Variants in RGS6 observed in about 807,000 individuals in gnomAD.
The protein encoded by RGS6 is regulator of G protein signaling 6, also known as regulator of G-protein signaling 6.
Under a neutral mutation model 78.5 loss-of-function variants are expected in RGS6, and 30 were observed. The ratio of observed to expected loss-of-function variants is 0.38; its 90% CI spans 0.29 to 0.52. The LOEUF is 0.52. RGS6 is among the 20% of genes least tolerant of loss of function. RGS6 has a pLI of 0.85. For missense variants in RGS6, 495 were observed against 609.7 expected (o/e 0.81, Z 1.98); for synonymous variants, 206 against 206.0 (o/e 1.00, Z 0.00).
chr14:72,029,983 T>C (rs1045349912), intron 2 of RGS6, among the ~76,000 whole-genome samples: 2 of 152,246 alleles, frequency 1.3e-5, no homozygotes, highest in African/African-American at 4.8e-5. Flanking sequence ...CTTTTCTCTT[T>C]CTTTGATTCT....
At chr14:72,197,628 G>T (rs533621728) in intron 2 of RGS6, among the ~76,000 whole-genome samples, 6 of 152,242 alleles carry the variant, frequency 3.9e-5, no homozygotes, top group African/African-American at 1.4e-4. Flanking sequence ...CAAAATTTAG[G>T]AATCAGTAAT....
intron 2 of RGS6, among the ~76,000 whole-genome samples, chr14:72,308,404 A>G (rs1231461771): frequency 6.6e-6 from 1 of 152,176 alleles, no homozygotes; most frequent in Non-Finnish European, 1.5e-5. Context: ...TGCCTCCTCC[A>G]AACTTCATAT....
At chr14:71,974,357 A>G (rs2093993346) in intron 2 of RGS6, among the ~76,000 whole-genome samples, 1 of 152,264 alleles carries the variant, frequency 6.6e-6, no homozygotes, top group African/African-American at 2.4e-5. Flanking sequence ...CTCTGTTCTA[A>G]AAACTTATTT....
intron 2 of RGS6, among the ~76,000 whole-genome samples, chr14:72,096,871 C>A (rs901499225): frequency 1.3e-5 from 2 of 152,194 alleles, no homozygotes; most frequent in Non-Finnish European, 2.9e-5. Context: ...TCATTAGGGA[C>A]CAACTTTGGA....
At chr14:71,891,256 G>T in the RGS6 span, among the ~76,000 whole-genome samples, 2 of 152,176 alleles carry the variant, frequency 1.3e-5, no homozygotes, top group African/African-American at 2.4e-5. Flanking sequence ...TTTGGGAAGG[G>T]CTCGACTGGG....
chr14:72,300,615 G>C (rs1459230850), intron 2 of RGS6, among the ~76,000 whole-genome samples: 1 of 152,222 alleles, frequency 6.6e-6, no homozygotes, highest in Non-Finnish European at 1.5e-5. Context: ...ATGTGACTGA[G>C]TTGTGAAACG....
At chr14:72,407,381 G>A (rs748933447) in intron 3 of RGS6, among the ~76,000 whole-genome samples, 1 of 152,190 alleles carries the variant, frequency 6.6e-6, no homozygotes, top group Non-Finnish European at 1.5e-5. Context: ...CCCTCTGGAT[G>A]TCCTATGGTA....
At chr14:72,627,168 A>G in the RGS6 span, among the ~76,000 whole-genome samples, 1 of 152,050 alleles carries the variant, frequency 6.6e-6, no homozygotes, top group South Asian at 2.1e-4. Context: ...AGTCAGATAT[A>G]CCAACATTTT....
chr14:72,213,659 C>T (rs1359572098), intron 2 of RGS6, among the ~76,000 whole-genome samples: 1 of 152,152 alleles, frequency 6.6e-6, no homozygotes. Flanking sequence ...TCTTGTTCAG[C>T]TGTCACATCA....
chr14:72,568,170 C>T (rs765683846), downstream of RGS6, among the ~76,000 whole-genome samples: 9 of 152,154 alleles, frequency 5.9e-5, no homozygotes, highest in Admixed American at 5.2e-4. Flanking sequence ...GCAGACAAAA[C>T]GAAGTAACAG....
chr14:72,230,491 G>A (rs1813805688), intron 2 of RGS6, among the ~76,000 whole-genome samples: 1 of 152,222 alleles, frequency 6.6e-6, no homozygotes, highest in Admixed American at 6.5e-5. Flanking sequence ...GTAGAGGACT[G>A]CTAAGAGATA....
chr14:72,449,966 T>C (rs1051383241), intron 3 of RGS6, among the ~76,000 whole-genome samples: 1 of 152,244 alleles, frequency 6.6e-6, no homozygotes, highest in Non-Finnish European at 1.5e-5. Flanking sequence ...AGAGGCCAGC[T>C]CTTTCTTCTC....
At chr14:71,916,462 C>T in the RGS6 span, among the ~76,000 whole-genome samples, 2 of 152,124 alleles carry the variant, frequency 1.3e-5, no homozygotes, top group African/African-American at 2.4e-5. Flanking sequence ...AATCCAGGTT[C>T]TTCAAGGGAA....
chr14:72,296,327 T>C (rs1174369892), intron 2 of RGS6, among the ~76,000 whole-genome samples: 2 of 152,232 alleles, frequency 1.3e-5, no homozygotes, highest in East Asian at 1.9e-4. Context: ...TTTGTGGACA[T>C]ATATTCTCAT....
At chr14:72,493,911 C>G (rs4903028) in intron 12 of RGS6, among the ~76,000 whole-genome samples, 115,789 of 152,118 alleles carry the variant, frequency 0.76, 45,165 homozygotes, top group East Asian at 0.96. Context: ...TCCTTTATTA[C>G]GAAACTACTA....
chr14:72,470,328 C>T (rs1428035671), intron 8 of RGS6, among the ~76,000 whole-genome samples: 1 of 152,208 alleles, frequency 6.6e-6, no homozygotes, highest in African/African-American at 2.4e-5. Context: ...AAAGGTAGAA[C>T]TCTGGTTATA....
the RGS6 span, among the ~76,000 whole-genome samples, chr14:71,919,197 G>A: frequency 6.6e-6 from 1 of 152,202 alleles, no homozygotes; most frequent in Non-Finnish European, 1.5e-5. Flanking sequence ...CTCAGAGGGG[G>A]AGAAGAGCAG....
intron 2 of RGS6, among the ~76,000 whole-genome samples, chr14:72,217,259 C>A (rs1314146163): frequency 6.6e-6 from 1 of 152,130 alleles, no homozygotes; most frequent in Non-Finnish European, 1.5e-5. Flanking sequence ...AAACTTTAAT[C>A]AAGGTGATAT....
the RGS6 span, among the ~76,000 whole-genome samples, chr14:72,578,470 C>T: frequency 6.6e-6 from 1 of 152,206 alleles, no homozygotes; most frequent in Non-Finnish European, 1.5e-5. Flanking sequence ...CAATAACTTC[C>T]CTGTCCCCAG....
Sources: gnomAD v4.1 joint callset for allele counts (sites outside exome capture counted in the v4.1 genomes callset) on GRCh38, gnomAD v4.1.1 for gene constraint, MANE v1.5 for transcripts, NCBI Gene and HGNC (gene_info 2026-07-23, HGNC 2026-07-21) for gene names.